BCOR: variants seen among roughly 807,000 people sequenced by gnomAD.
The protein encoded by BCOR is BCL-6 corepressor.
In BCOR, 10 loss-of-function variants were observed where a neutral mutation model predicts 86.7. That is an observed-to-expected ratio of 0.12 (90% confidence interval 0.07 to 0.20). The LOEUF is 0.20. BCOR is among the 10% of genes least tolerant of loss of function. BCOR has a pLI of 1.00. For synonymous variants in BCOR, 611 were observed against 609.0 expected (o/e 1.00, Z -0.05); for missense variants, 1,259 against 1,452.1 (o/e 0.87, Z 2.16).
At position 40,064,481 on chromosome X, in the gene BCOR, C is replaced by T. The variant is rs760523372; in HGVS notation, c.3357G>A (p.Gln1119=). The T allele has an allele frequency of 1.6e-6, 2 of 1,212,401 alleles. No individual in the cohort carries two copies. The highest frequency in any genetic ancestry group is 2.2e-6 in the Non-Finnish European group (2 of 895,654). ...RQPVSEPPAD[Q]VASDMPHSPT... ...GGCTGTGAGGCATGTCCGAGGCCAC[C>T]TGGTCTGCGGGAGGCTCGCTCACAG... Residue 1119 remains glutamine (Q), a synonymous_variant, in exon 7 of 15, where the codon CAG becomes CAA. Transcript: ENST00000378444.
intron 1 of BCOR, among the ~76,000 whole-genome samples, chrX:40,088,209 G>A (rs1031555701): frequency 5.3e-5 from 6 of 112,405 alleles, no homozygotes; most frequent in African/African-American, 1.9e-4. Flanking sequence ...CTAGGGCAAA[G>A]GTTAAGGCGT....
chrX:40,111,312 C>T (rs756579419), intron 1 of BCOR, among the ~76,000 whole-genome samples: 2 of 111,791 alleles, frequency 1.8e-5, no homozygotes, highest in East Asian at 2.8e-4. Flanking sequence ...TTCTTAACCT[C>T]GCATCTCCTT....
intron 4 of BCOR, 68 bp from the exon 5 acceptor site, chrX:40,071,758 C>T: frequency 1.3e-6 from 1 of 799,100 alleles, no homozygotes; most frequent in Non-Finnish European, 1.9e-6. Flanking sequence ...AAGCATAAAC[C>T]AATTTTTTTC....
intron 1 of BCOR, among the ~76,000 whole-genome samples, chrX:40,152,217 G>A (rs1938181829): frequency 8.9e-6 from 1 of 112,264 alleles, no homozygotes; most frequent in Non-Finnish European, 1.9e-5. Flanking sequence ...GGGGACAGGC[G>A]GCGGCGGGGA....
intron 11 of BCOR, among the ~76,000 whole-genome samples, chrX:40,056,285 A>T (rs1336168204): frequency 1.1e-5 from 1 of 88,296 alleles, no homozygotes. Flanking sequence ...ACACATTAAA[A>T]AAAAAAAAAA....
chrX:40,138,857 G>A (rs1213649905), intron 1 of BCOR, among the ~76,000 whole-genome samples: 2 of 111,084 alleles, frequency 1.8e-5, no homozygotes, highest in Non-Finnish European at 3.8e-5. Context: ...GTCTGGCCCA[G>A]GCACTATTTT....
chrX:40,064,627 A>C, intron 6 of BCOR, 28 bp from the exon 7 acceptor site: 2 of 1,210,156 alleles, frequency 1.7e-6, no homozygotes, highest in Non-Finnish European at 2.2e-6. Flanking sequence ...AGAGGGCATT[A>C]ATGAAGCCCG....
At chrX:40,118,990 G>A (rs1247213374) in intron 1 of BCOR, among the ~76,000 whole-genome samples, 1 of 111,763 alleles carries the variant, frequency 8.9e-6, no homozygotes, top group Non-Finnish European at 1.9e-5. Context: ...GCGCCACCAC[G>A]CCCAGCTAAT....
At chrX:40,131,925 G>A (rs1440865255) in intron 1 of BCOR, among the ~76,000 whole-genome samples, 6 of 111,882 alleles carry the variant, frequency 5.4e-5, no homozygotes, top group Non-Finnish European at 1.1e-4. Flanking sequence ...CAAGAGGTGT[G>A]GTCTCTGTCT....
intron 1 of BCOR, among the ~76,000 whole-genome samples, chrX:40,172,269 G>C (rs1185239499): frequency 1.8e-5 from 2 of 112,395 alleles, no homozygotes; most frequent in East Asian, 2.8e-4. Context: ...CCACCGCCCG[G>C]TCCTCTCCTC....
intron 1 of BCOR, among the ~76,000 whole-genome samples, chrX:40,125,175 A>C (rs993131850): frequency 9.0e-6 from 1 of 111,346 alleles, no homozygotes; most frequent in African/African-American, 3.3e-5. Flanking sequence ...GCAGCCTGCT[A>C]TGTGCCAGGA....
At position 40,062,880 on chromosome X, in the gene BCOR, G is replaced by T; in HGVS notation, c.4039C>A (p.Leu1347Met). 2.5e-6 allele frequency: 3 copies of T among 1,211,186 alleles called. No homozygotes were observed. Among genetic ancestry groups the T allele is most frequent in the Non-Finnish European group, 3.4e-6 (3 of 895,134 alleles). ...EEEDCQAASL[L>M]QKYTDNSEKP... Reference sequence around the variant, plus strand: ...TCGCTGTTGTCGGTGTATTTCTGCAGCAGGGAGGCAGCCTGGCAATCCTCT... The same window carrying T: ...TCGCTGTTGTCGGTGTATTTCTGCATCAGGGAGGCAGCCTGGCAATCCTCT... The change falls in exon 9 of 15, where the codon CTG (leucine) becomes ATG (methionine). Residue 1347 changes from leucine to methionine, a missense_variant. By Grantham distance (15) the Leu-to-Met change is conservative. Transcript: ENST00000378444.
chrX:40,111,937 A>G (rs995089651), intron 1 of BCOR, among the ~76,000 whole-genome samples: 4 of 110,718 alleles, frequency 3.6e-5, no homozygotes, highest in Non-Finnish European at 7.6e-5. Flanking sequence ...CACTGTATAG[A>G]CACATGGTCA....
At chrX:40,078,459 C>T (rs180786293) in intron 1 of BCOR, among the ~76,000 whole-genome samples, 17 of 111,770 alleles carry the variant, frequency 1.5e-4, no homozygotes, top group Non-Finnish European at 2.1e-4. Context: ...GTGAGGTGAG[C>T]GGCAGGTCCA....
chrX:40,091,359 A>T (rs1936602336), intron 1 of BCOR, among the ~76,000 whole-genome samples: 1 of 111,647 alleles, frequency 9.0e-6, no homozygotes, highest in Admixed American at 9.4e-5. Context: ...TAGATCACAA[A>T]TTATTTTTTA....
At chrX:40,105,280 G>A (rs1243289168) in intron 1 of BCOR, among the ~76,000 whole-genome samples, 5 of 111,295 alleles carry the variant, frequency 4.5e-5, no homozygotes, top group Non-Finnish European at 7.6e-5. Flanking sequence ...CTGGGGCGCC[G>A]TTCCGAGAGC....
intron 1 of BCOR, among the ~76,000 whole-genome samples, chrX:40,121,336 C>T (rs939848732): frequency 1.8e-5 from 2 of 111,889 alleles, no homozygotes; most frequent in Non-Finnish European, 3.8e-5. Context: ...TCTGTTCAAA[C>T]AGCACTTCCT....
intron 1 of BCOR, among the ~76,000 whole-genome samples, chrX:40,111,013 G>A (rs1937304542): frequency 9.1e-6 from 1 of 110,257 alleles, no homozygotes; most frequent in African/African-American, 3.3e-5. Flanking sequence ...ACGCCCGGCC[G>A]AGAATCAACC....
At chrX:40,094,102 C>T (rs1936735167) in intron 1 of BCOR, among the ~76,000 whole-genome samples, 1 of 111,301 alleles carries the variant, frequency 9.0e-6, no homozygotes, top group Non-Finnish European at 1.9e-5. Flanking sequence ...GGCTCTTTGC[C>T]CCCCTTTCCC....
Sources: gnomAD v4.1 joint callset for allele counts (sites outside exome capture counted in the v4.1 genomes callset) on GRCh38, gnomAD v4.1.1 for gene constraint, MANE v1.5 for transcripts, NCBI Gene and HGNC (gene_info 2026-07-23, HGNC 2026-07-21) for gene names.